The following EPHX2 variants were observed in gnomAD, a reference collection of about 807,000 sequenced individuals.
EPHX2 encodes epoxide hydrolase 2, also known as bifunctional epoxide hydrolase 2.
Under a neutral mutation model 78.7 loss-of-function variants are expected in EPHX2, and 74 were observed. The observed-to-expected ratio is 0.94, with a 90% CI of 0.78 to 1.14. The LOEUF is 1.14. EPHX2 is among the 50% of genes most tolerant of loss of function. The pLI, the probability that EPHX2 is intolerant of heterozygous loss-of-function variation, is 0.00. For missense variants in EPHX2, 715 were observed against 702.5 expected, an observed-to-expected ratio of 1.02 and a Z score of -0.20; for synonymous variants, 251 against 255.2, an observed-to-expected ratio of 0.98 and a Z score of 0.16.
intron 12 of EPHX2, among the ~76,000 whole-genome samples, chr8:27,526,005 C>T (rs1042629244): frequency 1.3e-5 from 2 of 152,228 alleles, no homozygotes; most frequent in Admixed American, 6.5e-5. Context: ...TCAACGTCAC[C>T]TGGCCTGGTG....
intron 1 of EPHX2, among the ~76,000 whole-genome samples, chr8:27,499,741 A>G (rs148247729): frequency 5.5e-4 from 84 of 152,342 alleles, no homozygotes; most frequent in African/African-American, 1.9e-3. Context: ...GCAACAATGG[A>G]AATGTTTTCT....
intron 12 of EPHX2, among the ~76,000 whole-genome samples, chr8:27,529,742 G>A (rs1017624603): frequency 2.7e-4 from 41 of 151,986 alleles, no homozygotes; most frequent in African/African-American, 9.4e-4. Flanking sequence ...GTGAAACCTC[G>A]TCTCTACTAA....
chr8:27,507,545 AG>A (rs1665181315), intron 5 of EPHX2, among the ~76,000 whole-genome samples: 1 of 152,148 alleles, frequency 6.6e-6, no homozygotes, highest in East Asian at 1.9e-4. Flanking sequence ...GATCTCACTG[AG>A]TCCACAGCCT....
chr8:27,544,292 T>C, intron 18 of EPHX2, 48 bp downstream of exon 18: 1 of 1,608,292 alleles, frequency 6.2e-7, no homozygotes, highest in East Asian at 2.2e-5. Context: ...GGGCCCCCCG[T>C]TCACCTTCCA....
rs370185044 is a variant in EPHX2 at position 27,507,068 on chromosome 8, C to T, written c.660+74C>T. 1.1e-5 allele frequency: 17 copies of T among 1,565,976 alleles called. No homozygotes were observed. In the African/African-American group the frequency reaches 2.0e-4, roughly 19 times the overall value. ...TCTGGACTCAGGAGAAAACCACGAG[C>T]AGAGAAGCTGCTGTCCGTGGAGTCC... On this transcript the variant is annotated intron_variant, in intron 5 of 18. Coordinates refer to ENST00000521400, the MANE Select transcript of EPHX2 (RefSeq NM_001979.6).
chr8:27,500,266 T>C (rs1333547268), intron 1 of EPHX2, among the ~76,000 whole-genome samples: 1 of 152,132 alleles, frequency 6.6e-6, no homozygotes, highest in African/African-American at 2.4e-5. Flanking sequence ...TCTCTCTTCC[T>C]CCTGCTCCAA....
intron 5 of EPHX2, among the ~76,000 whole-genome samples, chr8:27,511,244 C>A (rs1344708464): frequency 6.6e-6 from 1 of 152,258 alleles, no homozygotes; most frequent in African/African-American, 2.4e-5. Context: ...GAAGGAGAGA[C>A]CTTTCAGCAG....
chr8:27,525,068 CTGTGTGTG>C (rs56963159), intron 11 of EPHX2, among the ~76,000 whole-genome samples: 2,088 of 131,074 alleles, frequency 0.016, 61 homozygotes, highest in African/African-American at 0.05. Context: ...AGTATGTGTA[CTGTGTGTG>C]TGTGTGTGTG....
intron 12 of EPHX2, among the ~76,000 whole-genome samples, chr8:27,533,445 A>G (rs1276951190): frequency 6.6e-6 from 1 of 152,234 alleles, no homozygotes; most frequent in Non-Finnish European, 1.5e-5. Flanking sequence ...TTTGTAGATG[A>G]AAGAGAGTCG....
intron 2 of EPHX2, among the ~76,000 whole-genome samples, chr8:27,502,323 A>G (rs1243080216): frequency 6.6e-6 from 1 of 152,170 alleles, no homozygotes; most frequent in Non-Finnish European, 1.5e-5. Context: ...ACCCCAATCT[A>G]TCCATTCTTC....
chr8:27,524,673 G>A (rs976558537), intron 11 of EPHX2, among the ~76,000 whole-genome samples: 4 of 152,064 alleles, frequency 2.6e-5, no homozygotes, highest in African/African-American at 9.7e-5. Flanking sequence ...CCCAGGCCTT[G>A]TTCTCCTCCC....
chr8:27,545,793 G>A (rs746968344), downstream of EPHX2, among the ~76,000 whole-genome samples: 5 of 152,080 alleles, frequency 3.3e-5, no homozygotes, highest in Non-Finnish European at 5.9e-5. Flanking sequence ...GCATGATGAC[G>A]GGCATGAGTT....
chr8:27,526,814 A>T lies in EPHX2; in HGVS notation c.1170+1341A>T, dbSNP rs1236361896. On this transcript the variant is annotated intron_variant, in intron 12 of 18. Transcript: ENST00000521400. Reference sequence around the variant, plus strand: ...ACTCAGGCTGGAGTGCAGTGGTGTGATCATAGCTCACTGCAGCCCCGACCT... The same window carrying T: ...ACTCAGGCTGGAGTGCAGTGGTGTGTTCATAGCTCACTGCAGCCCCGACCT... Among the ~76,000 whole-genome samples the T allele has an allele frequency of 2.0e-5, 3 of 152,206 alleles. No homozygotes were observed. The East Asian group carries it at 5.8e-4, about 29-fold the overall frequency.
Position 27,532,593 on chromosome 8 carries a change from G to T in EPHX2, c.1171-4191G>T, listed in dbSNP as rs946722667. On this transcript the variant is annotated intron_variant, in intron 12 of 18. Coordinates refer to ENST00000521400, the MANE Select transcript of EPHX2 (RefSeq NM_001979.6). ...GCTCCCGAGAGAGAGTCCATTTCAT[G>T]CCTGTCTCCCAGCCCCTGGCCGTTG... is the stretch of plus-strand genomic sequence containing the variant. Among the ~76,000 whole-genome samples the T allele has an allele frequency of 2.6e-5, 4 of 152,254 alleles. No individual in the cohort carries two copies. The East Asian group carries it at 7.7e-4, about 29-fold the overall frequency.
At chr8:27,512,675 G>T (rs1440397363) in intron 6 of EPHX2, among the ~76,000 whole-genome samples, 1 of 152,072 alleles carries the variant, frequency 6.6e-6, no homozygotes, top group African/African-American at 2.4e-5. Flanking sequence ...AAATATGAAA[G>T]GATCTAAAGC....
intron 12 of EPHX2, among the ~76,000 whole-genome samples, chr8:27,533,590 C>A (rs1266315804): frequency 6.6e-6 from 1 of 152,032 alleles, no homozygotes; most frequent in African/African-American, 2.4e-5. Context: ...CCTTTTTTCT[C>A]TCTGATTTTT....
intron 12 of EPHX2, among the ~76,000 whole-genome samples, chr8:27,526,422 G>A (rs1372494081): frequency 6.6e-6 from 1 of 152,220 alleles, no homozygotes; most frequent in Admixed American, 6.5e-5. Flanking sequence ...GCCCTGCTGT[G>A]CCACAGCCTG....
At chr8:27,516,507 T>A in intron 8 of EPHX2, 109 bp downstream of exon 8, 1 of 1,027,000 alleles carries the variant, frequency 9.7e-7, no homozygotes, top group Admixed American at 1.9e-5. Context: ...GCCTTCCCCT[T>A]AAGAGAGTCT....
At chr8:27,544,067 G>A (rs1815502766) in intron 17 of EPHX2, 119 bp from the exon 18 acceptor site, 3 of 1,226,070 alleles carry the variant, frequency 2.4e-6, no homozygotes, top group Non-Finnish European at 3.6e-6. Flanking sequence ...AATCATGCAG[G>A]GTTTGGGCAG....
Sources: gnomAD v4.1 joint callset for allele counts (sites outside exome capture counted in the v4.1 genomes callset) on GRCh38, gnomAD v4.1.1 for gene constraint, MANE v1.5 for transcripts, NCBI Gene and HGNC (gene_info 2026-07-23, HGNC 2026-07-21) for gene names.